The following GLRB variants were observed in gnomAD, a reference collection of about 807,000 sequenced individuals.
GLRB encodes the protein glycine receptor beta.
In GLRB, 33 loss-of-function variants were observed where a neutral mutation model predicts 54.2. That is an observed-to-expected ratio of 0.61 (90% CI 0.46 to 0.81). The LOEUF (loss-of-function observed/expected upper bound fraction) is 0.81. Among genes scored for constraint, GLRB ranks in the 40% least tolerant of loss-of-function variants. The pLI is 0.00. For synonymous variants in GLRB, 209 were observed against 208.2 expected (o/e 1.00, Z -0.03); for missense variants, 572 against 584.6 (o/e 0.98, Z 0.22).
intron 8 of GLRB, 152 bp downstream of exon 8, chr4:157,144,111 C>T: frequency 1.3e-6 from 1 of 760,850 alleles, no homozygotes. Context: ...TGATATTGAA[C>T]TAGATTTTCT....
At chr4:157,161,692 A>G (rs561083928) in intron 9 of GLRB, among the ~76,000 whole-genome samples, 2 of 152,346 alleles carry the variant, frequency 1.3e-5, no homozygotes, top group South Asian at 4.1e-4. Context: ...GTTTCTGCCA[A>G]GAGATCCGCT....
At chr4:157,160,867 G>A (rs1370636805) in intron 9 of GLRB, among the ~76,000 whole-genome samples, 2 of 152,140 alleles carry the variant, frequency 1.3e-5, no homozygotes, top group Non-Finnish European at 2.9e-5. Flanking sequence ...GCAGAGCTGA[G>A]TTCAATTCCT....
chr4:157,161,619 A>G (rs1015804379), intron 9 of GLRB, among the ~76,000 whole-genome samples: 11 of 152,082 alleles, frequency 7.2e-5, no homozygotes, highest in African/African-American at 1.4e-4. Context: ...TGAAATTCTG[A>G]GTTGAAAATT....
chr4:157,159,007 T>C (rs1737354434), intron 9 of GLRB, among the ~76,000 whole-genome samples: 1 of 152,210 alleles, frequency 6.6e-6, no homozygotes. Flanking sequence ...TTTATTTCGT[T>C]GAGCAGTAGT....
intron 9 of GLRB, among the ~76,000 whole-genome samples, chr4:157,169,281 C>G (rs573258884): frequency 6.6e-6 from 1 of 152,146 alleles, no homozygotes; most frequent in South Asian, 2.1e-4. Flanking sequence ...AATAGCAAAA[C>G]TCAATGGTAA....
At chr4:157,092,147 A>C (rs1183661653) in intron 2 of GLRB, among the ~76,000 whole-genome samples, 1 of 152,330 alleles carries the variant, frequency 6.6e-6, no homozygotes, top group Admixed American at 6.5e-5. Context: ...TAAAATCATT[A>C]ACAATGTGAT....
chr4:157,095,581 T>C (rs542038389), intron 2 of GLRB, among the ~76,000 whole-genome samples: 2 of 152,182 alleles, frequency 1.3e-5, no homozygotes, highest in South Asian at 2.1e-4. Flanking sequence ...AGTAAAGATA[T>C]CTGAGAAGTG....
chr4:157,122,486 C>T lies in GLRB; in HGVS notation c.297+89C>T, dbSNP rs183082392. On this transcript the variant is annotated intron_variant, in intron 4 of 9. Transcript: ENST00000264428. ...ATTAAAATTGAACAATAAGGAGCAACTCAAATAATCCATGCCCTTTCCTAG... is the reference window on the plus strand; with the variant it reads ...ATTAAAATTGAACAATAAGGAGCAATTCAAATAATCCATGCCCTTTCCTAG... 4.8e-4 allele frequency: 262 copies of T among 544,490 alleles called. 2 individuals carry two copies. The Admixed American group carries it at 5.3e-3, about 11-fold the overall frequency. The allele number at this position is 544,490 out of a possible 1,614,324, so 33.7% of individuals were successfully genotyped here.
chr4:157,117,709 A>G (rs974576898), intron 2 of GLRB, among the ~76,000 whole-genome samples: 3 of 151,660 alleles, frequency 2.0e-5, no homozygotes, highest in Non-Finnish European at 4.4e-5. Context: ...AGGCAACATG[A>G]GGCTGAAATA....
chr4:157,115,644 G>A (rs561642691), intron 2 of GLRB, among the ~76,000 whole-genome samples: 15 of 151,830 alleles, frequency 9.9e-5, no homozygotes, highest in African/African-American at 1.7e-4. Context: ...TGGTCTACTC[G>A]TCCAGGAACC....
At chr4:157,158,528 C>G (rs1488737922) in intron 9 of GLRB, among the ~76,000 whole-genome samples, 1 of 152,256 alleles carries the variant, frequency 6.6e-6, no homozygotes, top group Admixed American at 6.5e-5. Flanking sequence ...AGGAAGGGAT[C>G]CAGTTTCAGC....
chr4:157,114,542 T>C (rs1735537709), intron 2 of GLRB, among the ~76,000 whole-genome samples: 1 of 151,840 alleles, frequency 6.6e-6, no homozygotes, highest in Admixed American at 6.6e-5. Flanking sequence ...AAGGCCATTC[T>C]TTATTCAGAC....
At chr4:157,101,026 G>A (rs1399241788) in intron 2 of GLRB, among the ~76,000 whole-genome samples, 2 of 152,114 alleles carry the variant, frequency 1.3e-5, no homozygotes, top group African/African-American at 4.8e-5. Flanking sequence ...ATGAATGAAG[G>A]TATCTACATG....
chr4:157,160,322 C>T (rs912207281), intron 9 of GLRB, among the ~76,000 whole-genome samples: 2 of 151,980 alleles, frequency 1.3e-5, no homozygotes, highest in African/African-American at 4.8e-5. Flanking sequence ...CTTTTTGTGC[C>T]TCTGTCTCCT....
At chr4:157,136,755 T>A (rs1203942632) in intron 5 of GLRB, 49 bp from the exon 6 acceptor site, 1 of 1,500,126 alleles carries the variant, frequency 6.7e-7, no homozygotes, top group African/African-American at 1.4e-5. Context: ...AATCAATGGA[T>A]GACAGAGAAG....
At chr4:157,153,440 T>C (rs1246149883) in intron 9 of GLRB, among the ~76,000 whole-genome samples, 6 of 152,172 alleles carry the variant, frequency 3.9e-5, no homozygotes. Context: ...CCCATGCTCA[T>C]GATTAAATCA....
intron 6 of GLRB, among the ~76,000 whole-genome samples, chr4:157,138,428 C>T (rs748351499): frequency 2.0e-5 from 3 of 152,052 alleles, no homozygotes; most frequent in Non-Finnish European, 4.4e-5. Flanking sequence ...TTAAAAATCC[C>T]AGGGAGCATA....
At chr4:157,152,638 G>A (rs1235291327) in intron 8 of GLRB, 80 bp from the exon 9 acceptor site, 14 of 1,095,384 alleles carry the variant, frequency 1.3e-5, no homozygotes, top group South Asian at 2.5e-5. Context: ...TACTGGAGAC[G>A]GATTTAGTCA....
chr4:157,087,554 G>C (rs903926897), intron 2 of GLRB, among the ~76,000 whole-genome samples: 1 of 151,974 alleles, frequency 6.6e-6, no homozygotes, highest in Admixed American at 6.6e-5. Flanking sequence ...GGTGCTTTTT[G>C]TTCCCCAATT....
Sources: gnomAD v4.1 joint callset for allele counts (sites outside exome capture counted in the v4.1 genomes callset) on GRCh38, gnomAD v4.1.1 for gene constraint, MANE v1.5 for transcripts, NCBI Gene and HGNC (gene_info 2026-07-23, HGNC 2026-07-21) for gene names.